MAGI2: variants seen among roughly 807,000 people sequenced by gnomAD.
MAGI2 encodes the protein membrane-associated guanylate kinase, WW and PDZ domain-containing protein 2.
MAGI2 carries 35 observed loss-of-function variants against 133.3 expected under a neutral mutation model. The observed-to-expected ratio is 0.26, with a 90% confidence interval of 0.20 to 0.35. The LOEUF is 0.35. Among genes scored for constraint, MAGI2 ranks in the 10% least tolerant of loss-of-function variants. The pLI is 1.00. For synonymous variants in MAGI2, 729 were observed against 710.6 expected (o/e 1.03, Z -0.41); for missense variants, 1,636 against 1,863.4 (o/e 0.88, Z 2.25).
At chr7:78,188,096 GA>G (rs1213517195) in intron 12 of MAGI2, among the ~76,000 whole-genome samples, 1 of 151,920 alleles carries the variant, frequency 6.6e-6, no homozygotes, top group Non-Finnish European at 1.5e-5. Flanking sequence ...AAATACATGG[GA>G]AAAATATGTG....
chr7:79,375,859 C>A (rs563819125), intron 1 of MAGI2, among the ~76,000 whole-genome samples: 8 of 151,942 alleles, frequency 5.3e-5, no homozygotes, highest in South Asian at 2.1e-4. Flanking sequence ...ATATTAAATA[C>A]CTTTTTTCAA....
At chr7:78,435,814 T>A (rs1200129713) in intron 6 of MAGI2, among the ~76,000 whole-genome samples, 1 of 152,114 alleles carries the variant, frequency 6.6e-6, no homozygotes, top group Non-Finnish European at 1.5e-5. Flanking sequence ...AAAGGCAAAA[T>A]AAACAGATTT....
intron 2 of MAGI2, among the ~76,000 whole-genome samples, chr7:78,932,118 G>A (rs1800177210): frequency 6.6e-6 from 1 of 151,868 alleles, no homozygotes. Flanking sequence ...ATTCCCCCAT[G>A]GAAGCACCCT....
chr7:79,031,116 C>G (rs1271931976), intron 1 of MAGI2, among the ~76,000 whole-genome samples: 1 of 152,142 alleles, frequency 6.6e-6, no homozygotes, highest in African/African-American at 2.4e-5. Context: ...AAATCCATCC[C>G]TTACTCTTGT....
At chr7:79,000,257 T>C (rs1806726696) in intron 2 of MAGI2, 1 of 152,198 alleles carries the variant, frequency 6.6e-6, no homozygotes, top group Non-Finnish European at 1.5e-5. Context: ...AATAAGATGA[T>C]TGCTTTTTTG....
At chr7:78,249,087 G>A (rs983558188) in intron 10 of MAGI2, among the ~76,000 whole-genome samples, 19 of 151,518 alleles carry the variant, frequency 1.3e-4, no homozygotes, top group African/African-American at 4.4e-4. Context: ...AAAGACATAC[G>A]AATGGCTAAC....
chr7:79,005,750 C>T (rs1240889322), intron 2 of MAGI2, among the ~76,000 whole-genome samples: 2 of 152,130 alleles, frequency 1.3e-5, no homozygotes, highest in Non-Finnish European at 2.9e-5. Context: ...CCACCCGTTA[C>T]CTTATAAATA....
At chr7:78,313,864 T>C (rs1037237819) in intron 9 of MAGI2, among the ~76,000 whole-genome samples, 4 of 152,160 alleles carry the variant, frequency 2.6e-5, no homozygotes, top group African/African-American at 9.6e-5. Flanking sequence ...ATTGTATTTA[T>C]GATTTAAAAT....
chr7:79,060,600 G>A lies in MAGI2; in HGVS notation c.302-53394C>T, dbSNP rs150066176. ...GAGGAAGCAGAAATTAAGAGGAAGC[G>A]TAAGTCAGGAGTAAACAATATGTGT... On this transcript the variant is annotated intron_variant, in intron 1 of 21. Transcript: ENST00000354212. 9.9e-4 allele frequency among the ~76,000 whole-genome samples: 150 copies of A among 152,168 alleles called. 1 individual carries two copies. In the East Asian group the frequency reaches 0.026, roughly 26 times the overall value.
At chr7:78,999,248 G>A (rs1476239333) in intron 2 of MAGI2, among the ~76,000 whole-genome samples, 3 of 151,650 alleles carry the variant, frequency 2.0e-5, no homozygotes, top group Non-Finnish European at 4.4e-5. Flanking sequence ...CAGGGCAAAG[G>A]GAATTTTATG....
chr7:78,883,929 T>C (rs1380942442), intron 2 of MAGI2, among the ~76,000 whole-genome samples: 2 of 152,174 alleles, frequency 1.3e-5, no homozygotes, highest in African/African-American at 4.8e-5. Context: ...AAATATCATT[T>C]TGGATATAAG....
intron 1 of MAGI2, among the ~76,000 whole-genome samples, chr7:79,188,324 T>C (rs1827346068): frequency 6.6e-6 from 1 of 151,808 alleles, no homozygotes; most frequent in South Asian, 2.1e-4. Context: ...CTTTACCCTG[T>C]GTCCATGTGT....
intron 2 of MAGI2, among the ~76,000 whole-genome samples, chr7:78,859,694 T>TG (rs144729390): frequency 0.94 from 142,678 of 152,030 alleles, 67,477 homozygotes; most frequent in Non-Finnish European, 1. Flanking sequence ...ATTTCAACTT[T>TG]GTTAATCTGA....
intron 1 of MAGI2, among the ~76,000 whole-genome samples, chr7:79,062,438 T>C (rs17473070): frequency 0.017 from 2,563 of 152,286 alleles, 26 homozygotes; most frequent in South Asian, 0.031. Context: ...TGGTAGTTTT[T>C]TGAAGCTCCG....
chr7:78,340,841 G>A (rs1790295795), intron 9 of MAGI2, among the ~76,000 whole-genome samples: 2 of 152,088 alleles, frequency 1.3e-5, no homozygotes, highest in African/African-American at 4.8e-5. Flanking sequence ...CAAACCCACA[G>A]CCAATATCAT....
At position 78,019,452 on chromosome 7, in the gene MAGI2, C is replaced by CCG; in HGVS notation, c.4229_4230dup (p.Gly1411ArgfsTer64). ...GGGGGTCGCGGGCCCGGCCGGGGAC[C>CCG]CGCGCGCGCACCCGCCCTGCCCTCG... On this transcript the variant is annotated frameshift_variant, in exon 22 of 22. Coordinates refer to ENST00000354212, the MANE Select transcript of MAGI2 (RefSeq NM_012301.4). LOFTEE classifies it high-confidence loss of function. 1 of 983,764 alleles carries CCG rather than the reference C, an allele frequency of 1.0e-6. No homozygotes were observed. The highest frequency in any genetic ancestry group is 4.6e-5 in the South Asian group (1 of 21,858). The allele number at this position is 983,764 out of a possible 1,614,324, so 60.9% of individuals were successfully genotyped here.
chr7:78,548,552 G>A (rs1384681376), intron 3 of MAGI2, among the ~76,000 whole-genome samples: 4 of 151,986 alleles, frequency 2.6e-5, no homozygotes, highest in South Asian at 2.1e-4. Flanking sequence ...AAAATTGGCC[G>A]GGCGTGGTGG....
At chr7:79,157,855 T>A (rs1823941155) in intron 1 of MAGI2, among the ~76,000 whole-genome samples, 1 of 127,794 alleles carries the variant, frequency 7.8e-6, no homozygotes, top group Admixed American at 8.0e-5. Flanking sequence ...AACAAGTTTT[T>A]TTTTTTTTTT....
At chr7:78,904,525 C>CTTTTTT (rs10665131) in intron 2 of MAGI2, among the ~76,000 whole-genome samples, 6 of 134,818 alleles carry the variant, frequency 4.5e-5, no homozygotes, top group East Asian at 2.2e-4. Context: ...TAACGCAGTT[C>CTTTTTT]TTTTTTTTTT....
Sources: gnomAD v4.1 joint callset for allele counts (sites outside exome capture counted in the v4.1 genomes callset) on GRCh38, gnomAD v4.1.1 for gene constraint, MANE v1.5 for transcripts, NCBI Gene and HGNC (gene_info 2026-07-23, HGNC 2026-07-21) for gene names.